The following PCBP3 variants were observed in gnomAD, a reference collection of about 807,000 sequenced individuals.
PCBP3 encodes the protein poly(rC)-binding protein 3.
A neutral mutation model predicts 52.7 loss-of-function variants in PCBP3; 25 were observed. The observed-to-expected ratio is 0.47, with a 90% CI of 0.35 to 0.66. The LOEUF (loss-of-function observed/expected upper bound fraction) is 0.66, where lower values mean the gene tolerates loss of function less well. Ranked by LOEUF, PCBP3 falls within the 30% of genes least tolerant of loss-of-function variation. PCBP3 has a pLI of 0.01. For synonymous variants in PCBP3, 162 were observed against 183.0 expected (o/e 0.89, Z 0.93); for missense variants, 391 against 490.3 (o/e 0.80, Z 1.91).
intron 2 of PCBP3, among the ~76,000 whole-genome samples, chr21:45,699,117 G>A (rs1300155795): frequency 6.6e-6 from 1 of 152,194 alleles, no homozygotes; most frequent in Non-Finnish European, 1.5e-5. Flanking sequence ...ATGGAGGAAA[G>A]TCTTCATACC....
intron 11 of PCBP3, among the ~76,000 whole-genome samples, chr21:45,912,066 A>G (rs1013876464): frequency 6.6e-6 from 1 of 152,170 alleles, no homozygotes; most frequent in African/African-American, 2.4e-5. Context: ...CCAGCTCCTC[A>G]ACAACACGTG....
intron 4 of PCBP3, among the ~76,000 whole-genome samples, chr21:45,783,053 C>T (rs1243405403): frequency 2.6e-5 from 4 of 152,252 alleles, no homozygotes; most frequent in African/African-American, 9.6e-5. Context: ...CATAATTGCT[C>T]TTCAAAAGCT....
chr21:45,876,773 G>A (rs73382531), intron 5 of PCBP3, among the ~76,000 whole-genome samples: 5 of 152,226 alleles, frequency 3.3e-5, no homozygotes, highest in Admixed American at 2.0e-4. Flanking sequence ...CACCCACCCC[G>A]CACTGTGTTC....
intron 2 of PCBP3, among the ~76,000 whole-genome samples, chr21:45,695,672 A>G (rs1010973124): frequency 6.6e-6 from 1 of 151,992 alleles, no homozygotes; most frequent in African/African-American, 2.4e-5. Flanking sequence ...TATTCTTTTT[A>G]TTAAATTTTC....
At chr21:45,923,059 C>T (rs144324215) in intron 13 of PCBP3, among the ~76,000 whole-genome samples, 27 of 152,372 alleles carry the variant, frequency 1.8e-4, no homozygotes, top group Non-Finnish European at 2.9e-4. Context: ...GTGCAATCCC[C>T]GGGACTCTGT....
intron 4 of PCBP3, among the ~76,000 whole-genome samples, chr21:45,809,599 T>C (rs1186057963): frequency 3.9e-5 from 6 of 152,226 alleles, no homozygotes; most frequent in Non-Finnish European, 8.8e-5. Context: ...TGAGCAGGGC[T>C]TGACTCTCCT....
In PCBP3 at chr21:45,892,526, C is replaced by T. The variant is rs559050158; in HGVS notation, c.11-3682C>T. ...GCGTGGAGGGCGCAGTCCCGTCTCT[C>T]GCGGGGCTTCATGTACCAGACCGTG... On this transcript the variant is annotated intron_variant, in intron 5 of 17. Transcript: ENST00000681687. 3.9e-4 allele frequency among the ~76,000 whole-genome samples: 56 copies of T among 141,972 alleles called. 2 individuals carry two copies. Among genetic ancestry groups the T allele is most frequent in the Non-Finnish European group, 7.2e-4 (46 of 63,994 alleles). 93.1% of individuals were successfully genotyped at this position (141,972 alleles called of 152,430 possible).
intron 2 of PCBP3, among the ~76,000 whole-genome samples, chr21:45,687,921 C>T (rs535270704): frequency 9.2e-5 from 14 of 152,018 alleles, no homozygotes; most frequent in African/African-American, 2.7e-4. Context: ...TTAGTAGAGA[C>T]GGGGTTTCAC....
intron 4 of PCBP3, among the ~76,000 whole-genome samples, chr21:45,815,118 AGTG>A (rs2092855929): frequency 1.4e-5 from 1 of 69,580 alleles, no homozygotes; most frequent in Non-Finnish European, 2.8e-5. Flanking sequence ...GTGGTGAGTG[AGTG>A]GTGAGTGGTG....
rs1371912191 is a variant in PCBP3, at chr21:45,880,331, T to A, written c.11-15877T>A. Among the ~76,000 whole-genome samples, 2 of 150,138 alleles carry A rather than the reference T, an allele frequency of 1.3e-5. No individual in the cohort carries two copies. The highest frequency in any genetic ancestry group is 5.0e-5 in the African/African-American group (2 of 39,604). On this transcript the variant is annotated intron_variant, in intron 5 of 17. Transcript: ENST00000681687. The surrounding 1 kb of genome is among the most constrained non-coding windows in gnomAD (Gnocchi z 5.4). ...GCCGCGGTCCTGACCCCACACAACT[T>A]CTTCTGCCATGGCCCAAACCCAGCC...
chr21:45,857,412 C>T (rs1206216076), intron 5 of PCBP3, among the ~76,000 whole-genome samples: 2 of 152,146 alleles, frequency 1.3e-5, no homozygotes, highest in Non-Finnish European at 2.9e-5. Context: ...TGAGTCCTCA[C>T]GGAGGCCCCT....
intron 2 of PCBP3, among the ~76,000 whole-genome samples, chr21:45,716,563 G>A (rs527609446): frequency 6.6e-6 from 1 of 152,278 alleles, no homozygotes; most frequent in East Asian, 1.9e-4. Context: ...AAGGATACCA[G>A]TCCTCTTCTT....
intron 4 of PCBP3, among the ~76,000 whole-genome samples, chr21:45,812,684 G>T (rs1334347381): frequency 6.6e-6 from 1 of 152,206 alleles, no homozygotes; most frequent in East Asian, 1.9e-4. Context: ...GAGCCACCAT[G>T]CCCGGCTGTG....
At chr21:45,754,469 G>T (rs1020545843) in intron 3 of PCBP3, among the ~76,000 whole-genome samples, 3 of 152,134 alleles carry the variant, frequency 2.0e-5, no homozygotes, top group African/African-American at 7.2e-5. Flanking sequence ...ATCTGCTGGT[G>T]TGTCTATTTG....
intron 1 of PCBP3, among the ~76,000 whole-genome samples, chr21:45,646,105 C>CTGTGTGTGTGTGTGTGTGTG (rs1342511407): frequency 2.2e-5 from 2 of 92,974 alleles, no homozygotes; most frequent in South Asian, 4.0e-4. Flanking sequence ...CTCTCTCTCT[C>CTGTGTGTGTGTGTGTGTGTG]TCTGTGTGTG....
chr21:45,716,085 A>G (rs900042517), intron 2 of PCBP3, among the ~76,000 whole-genome samples: 3 of 152,096 alleles, frequency 2.0e-5, no homozygotes, highest in African/African-American at 7.2e-5. Flanking sequence ...GTTTTATTCT[A>G]AGAGCTTCAA....
intron 5 of PCBP3, chr21:45,872,178 T>A (rs1390709568): frequency 6.6e-6 from 1 of 152,306 alleles, no homozygotes; most frequent in East Asian, 1.9e-4. Flanking sequence ...GCCACATCCA[T>A]GCAGACCCGT....
intron 4 of PCBP3, among the ~76,000 whole-genome samples, chr21:45,818,243 G>C (rs1049751984): frequency 1.3e-5 from 2 of 152,004 alleles, no homozygotes; most frequent in Non-Finnish European, 2.9e-5. Flanking sequence ...GGATGGTCTC[G>C]ATCTCCTGAC....
chr21:45,883,850 A>G (rs1048157787), intron 5 of PCBP3, among the ~76,000 whole-genome samples: 2 of 152,232 alleles, frequency 1.3e-5, no homozygotes, highest in Admixed American at 6.5e-5. Flanking sequence ...CTGTGCTTCA[A>G]TTGGTGTATT....
Sources: gnomAD v4.1 joint callset for allele counts (sites outside exome capture counted in the v4.1 genomes callset) on GRCh38, gnomAD v4.1.1 for gene constraint, Gnocchi (gnomAD v3.1) non-coding constraint, MANE v1.5 for transcripts, NCBI Gene and HGNC (gene_info 2026-07-23, HGNC 2026-07-21) for gene names.